The following PRKCH variants were observed in gnomAD, a reference collection of about 807,000 sequenced individuals.
PRKCH encodes the protein protein kinase C eta type.
Under a neutral mutation model 82.5 loss-of-function variants are expected in PRKCH, and 28 were observed. That is an observed-to-expected ratio of 0.34 (90% CI 0.25 to 0.47). The LOEUF (loss-of-function observed/expected upper bound fraction) is 0.47, where lower values mean the gene tolerates loss of function less well. Among genes scored for constraint, PRKCH ranks in the 20% least tolerant of loss-of-function variants. The pLI is 1.00. For synonymous variants in PRKCH, 322 were observed against 327.4 expected (o/e 0.98, Z 0.18); for missense variants, 705 against 881.8 (o/e 0.80, Z 2.54).
intron 1 of PRKCH, among the ~76,000 whole-genome samples, chr14:61,232,818 A>AC (rs767489811): frequency 6.6e-6 from 1 of 151,886 alleles, no homozygotes; most frequent in African/African-American, 2.4e-5. Context: ...GAAAGTCCCA[A>AC]CCCTCTAATC....
At chr14:61,269,370 A>G (rs1188945667) in intron 1 of PRKCH, among the ~76,000 whole-genome samples, 1 of 152,202 alleles carries the variant, frequency 6.6e-6, no homozygotes, top group African/African-American at 2.4e-5. Flanking sequence ...ATTAATTTTT[A>G]TTTAAGTTTT....
chr14:61,415,441 C>G (rs974759213), intron 2 of PRKCH, among the ~76,000 whole-genome samples: 36 of 152,188 alleles, frequency 2.4e-4, no homozygotes, highest in African/African-American at 8.2e-4. Context: ...AGGTTTCACC[C>G]ACACTTCCAT....
chr14:61,290,449 G>A (rs1444699510), intron 1 of PRKCH, among the ~76,000 whole-genome samples: 3 of 152,160 alleles, frequency 2.0e-5, no homozygotes, highest in Admixed American at 6.5e-5. Context: ...GAGTGAGACA[G>A]GATGGTGCTC....
intron 1 of PRKCH, among the ~76,000 whole-genome samples, chr14:61,332,393 T>C (rs75982149): frequency 0.042 from 6,336 of 152,326 alleles, 177 homozygotes; most frequent in Middle Eastern, 0.078. Context: ...ATTAGAGCAG[T>C]ATCTGTCAAA....
At chr14:61,423,509 C>G (rs1343006913) in intron 2 of PRKCH, among the ~76,000 whole-genome samples, 1 of 152,194 alleles carries the variant, frequency 6.6e-6, no homozygotes, top group East Asian at 1.9e-4. Context: ...CTGGAGTGGT[C>G]TGCAGATACC....
chr14:61,392,639 G>C (rs1057183471), intron 2 of PRKCH, among the ~76,000 whole-genome samples: 4 of 152,044 alleles, frequency 2.6e-5, no homozygotes, highest in Admixed American at 2.6e-4. Context: ...CTGGATATGA[G>C]TCCTTTGTGA....
intron 1 of PRKCH, among the ~76,000 whole-genome samples, chr14:61,300,946 A>C (rs2045443360): frequency 6.6e-6 from 1 of 152,098 alleles, no homozygotes; most frequent in Non-Finnish European, 1.5e-5. Context: ...CTGTTATGTA[A>C]ACATCACACC....
intron 10 of PRKCH, among the ~76,000 whole-genome samples, chr14:61,489,836 T>C (rs1192867632): frequency 1.3e-5 from 2 of 152,216 alleles, no homozygotes; most frequent in African/African-American, 4.8e-5. Flanking sequence ...CCAGACATCT[T>C]TCAGCATGTT....
chr14:61,222,098 A>G (rs771299375), intron 1 of PRKCH, among the ~76,000 whole-genome samples: 4 of 152,194 alleles, frequency 2.6e-5, no homozygotes, highest in African/African-American at 4.8e-5. Flanking sequence ...TTCTGAAAAA[A>G]CAGAGTCTGT....
chr14:61,327,923 A>C (rs113881129), intron 1 of PRKCH, among the ~76,000 whole-genome samples: 6 of 152,370 alleles, frequency 3.9e-5, no homozygotes, highest in Admixed American at 2.0e-4. Context: ...TTCCTCTGTT[A>C]AATCAATCAA....
intron 9 of PRKCH, among the ~76,000 whole-genome samples, chr14:61,461,017 C>T (rs764272563): frequency 1.1e-4 from 16 of 152,038 alleles, no homozygotes; most frequent in Non-Finnish European, 2.2e-4. Flanking sequence ...GCCACCCCAG[C>T]GTTATCAAGA....
Position 61,530,435 on chromosome 14 carries a change from C to T in PRKCH, c.1601C>T (p.Ala534Val). Residue 534 changes from alanine (A) to valine (V), a missense_variant, in exon 12 of 14, where the codon GCA (alanine) becomes GTA (valine). Physicochemically the swap from Ala to Val is moderately conservative, Grantham distance 64 (BLOSUM62 0). Coordinates refer to ENST00000332981, the MANE Select transcript of PRKCH (RefSeq NM_006255.5). ...EILQEMLYGP[A>V]VDWWAMGVLL... ...CTCCAGGAAATGCTGTACGGGCCTG[C>T]AGTAGACTGGTGGGCAATGGGCGTG... The T allele has an allele frequency of 6.2e-7, 1 of 1,607,360 alleles. No individual in the cohort carries two copies. Among genetic ancestry groups the T allele is most frequent in the Non-Finnish European group, 8.5e-7 (1 of 1,176,734 alleles).
chr14:61,389,422 G>T (rs1189796638), intron 1 of PRKCH, among the ~76,000 whole-genome samples: 1 of 152,096 alleles, frequency 6.6e-6, no homozygotes, highest in African/African-American at 2.4e-5. Context: ...CAGGCACAGT[G>T]ACTCACACTT....
At chr14:61,526,503 T>C (rs1163847120) in intron 10 of PRKCH, among the ~76,000 whole-genome samples, 1 of 152,246 alleles carries the variant, frequency 6.6e-6, no homozygotes, top group Non-Finnish European at 1.5e-5. Flanking sequence ...CATTTTCTAG[T>C]GGCCATTTTC....
intron 12 of PRKCH, chr14:61,545,049 G>A (rs2043236458): frequency 6.6e-6 from 1 of 152,266 alleles, no homozygotes; most frequent in African/African-American, 2.4e-5. Flanking sequence ...ATCACGCTGT[G>A]GCTAGTGTCA....
chr14:61,284,148 AC>A (rs1190384663), intron 1 of PRKCH, among the ~76,000 whole-genome samples: 1 of 152,246 alleles, frequency 6.6e-6, no homozygotes, highest in Non-Finnish European at 1.5e-5. Flanking sequence ...CACCTCTGAA[AC>A]AAGAGGGCAG....
At chr14:61,287,062 C>T (rs891348259) in intron 1 of PRKCH, among the ~76,000 whole-genome samples, 2 of 150,970 alleles carry the variant, frequency 1.3e-5, no homozygotes, top group African/African-American at 4.9e-5. Flanking sequence ...AAAAATTAGC[C>T]AGGTGTGGTG....
chr14:61,531,023 T>C (rs1380968292), intron 12 of PRKCH, among the ~76,000 whole-genome samples: 2 of 152,200 alleles, frequency 1.3e-5, no homozygotes, highest in Admixed American at 6.5e-5. Context: ...CGGGTCTTTC[T>C]CTTAGGGCTG....
At position 61,435,835 on chromosome 14, in the gene PRKCH, A is replaced by G. The variant is rs530123864; in HGVS notation, c.428-7276A>G. On this transcript the variant is annotated intron_variant, in intron 2 of 13. Coordinates refer to ENST00000332981, the MANE Select transcript of PRKCH (RefSeq NM_006255.5). ...AGACTAGAAGCATGGTATGCAGGGA[A>G]CCTTGGAGCATACACATATTTAAAA... 2.3e-4 allele frequency among the ~76,000 whole-genome samples: 35 copies of G among 152,120 alleles called. 2 individuals are homozygous for G. The highest frequency in any genetic ancestry group is 1.3e-4 in the Non-Finnish European group (9 of 68,016).
Sources: allele counts gnomAD v4.1 joint callset (sites outside exome capture counted in the v4.1 genomes callset), GRCh38; gene constraint gnomAD v4.1.1; transcripts MANE v1.5; gene names NCBI Gene and HGNC (gene_info 2026-07-23, HGNC 2026-07-21).